KDM4C: variants seen among roughly 807,000 people sequenced by gnomAD.
The protein encoded by KDM4C is lysine-specific demethylase 4C.
Under a neutral mutation model 129.3 loss-of-function variants are expected in KDM4C, and 81 were observed. The observed-to-expected ratio is 0.63, with a 90% CI of 0.52 to 0.75. The LOEUF (loss-of-function observed/expected upper bound fraction) is 0.75. Ranked by LOEUF, KDM4C falls within the 30% of genes least tolerant of loss-of-function variation. The pLI is 0.00. For synonymous variants in KDM4C, 573 were observed against 456.1 expected (o/e 1.26, Z -3.26); for missense variants, 1,457 against 1,304.0 (o/e 1.12, Z -1.81).
upstream of KDM4C, among the ~76,000 whole-genome samples, chr9:6,754,072 C>T (rs1464669060): frequency 6.6e-6 from 1 of 151,064 alleles, no homozygotes; most frequent in Non-Finnish European, 1.5e-5. Flanking sequence ...GACAGGGTTT[C>T]ACCGTGCTAG....
intron 17 of KDM4C, among the ~76,000 whole-genome samples, chr9:7,070,075 A>C (rs1832988663): frequency 6.6e-6 from 1 of 152,254 alleles, no homozygotes; most frequent in Non-Finnish European, 1.5e-5. Context: ...AACAACAAAC[A>C]GACTGACAAA....
At chr9:7,034,428 C>A (rs1587097220) in intron 15 of KDM4C, among the ~76,000 whole-genome samples, 1 of 152,234 alleles carries the variant, frequency 6.6e-6, no homozygotes, top group South Asian at 2.1e-4. Context: ...CTTGTTTCAG[C>A]ATCCACATAT....
At position 7,049,097 on chromosome 9, in the gene KDM4C, C is replaced by T. The variant is rs748067878; in HGVS notation, c.2321C>T (p.Ala774Val). 2.3e-5 allele frequency: 37 copies of T among 1,609,698 alleles called. No individual in the cohort carries two copies. Among genetic ancestry groups the T allele is most frequent in the Non-Finnish European group, 3.1e-5 (37 of 1,176,614 alleles). The change falls in exon 17 of 22, where the codon GCC (alanine) becomes GTC (valine). Residue 774 changes from alanine to valine, a missense_variant. By Grantham distance (64) the Ala-to-Val change is moderately conservative. Coordinates refer to ENST00000381309, the MANE Select transcript of KDM4C (RefSeq NM_015061.6). ...ALKQTKNNKW[A>V]HVMCAVAVPE... Reference sequence around the variant, plus strand: ...TAATGTCTCCTTTCCTGTAGGTGGGCCCATGTCATGTGCGCCGTTGCGGTC... The same window carrying T: ...TAATGTCTCCTTTCCTGTAGGTGGGTCCATGTCATGTGCGCCGTTGCGGTC...
intron 11 of KDM4C, among the ~76,000 whole-genome samples, chr9:6,989,160 G>C (rs2760653): frequency 0.82 from 124,593 of 151,786 alleles, 51,946 homozygotes; most frequent in Non-Finnish European, 0.88. Context: ...AGCTGTCATC[G>C]TATATTGCAT....
intron 8 of KDM4C, among the ~76,000 whole-genome samples, chr9:6,959,640 T>G (rs1466403088): frequency 6.6e-6 from 1 of 152,172 alleles, no homozygotes; most frequent in Non-Finnish European, 1.5e-5. Context: ...GTTTATATTA[T>G]AGTTAATAAG....
intron 3 of KDM4C, among the ~76,000 whole-genome samples, chr9:6,811,726 C>G (rs191954275): frequency 1.7e-3 from 262 of 152,268 alleles, no homozygotes; most frequent in South Asian, 4.6e-3. Context: ...AGAAGAATAA[C>G]TGAGTTCCAG....
chr9:7,025,220 T>C (rs1825607989), intron 15 of KDM4C, among the ~76,000 whole-genome samples: 1 of 152,224 alleles, frequency 6.6e-6, no homozygotes, highest in Non-Finnish European at 1.5e-5. Context: ...ATATCTTTTT[T>C]TCATCTGCTT....
intron 5 of KDM4C, among the ~76,000 whole-genome samples, chr9:6,860,434 G>A (rs1232716783): frequency 6.6e-6 from 1 of 152,126 alleles, no homozygotes; most frequent in Non-Finnish European, 1.5e-5. Flanking sequence ...AAAGTACATT[G>A]ACAGAAGCTA....
At chr9:6,860,197 TG>T (rs141473130) in intron 5 of KDM4C, among the ~76,000 whole-genome samples, 3 of 152,084 alleles carry the variant, frequency 2.0e-5, no homozygotes, top group Admixed American at 1.3e-4. Context: ...GTGATGGGGA[TG>T]GGGGGGCGTT....
At chr9:7,019,767 A>ATT (rs1563993450) in intron 15 of KDM4C, among the ~76,000 whole-genome samples, 16 of 122,850 alleles carry the variant, frequency 1.3e-4, no homozygotes, top group Admixed American at 1.3e-3. Flanking sequence ...ATAAAAATAT[A>ATT]ATATTTTTAT....
At chr9:7,081,409 T>C (rs767663292) in intron 17 of KDM4C, among the ~76,000 whole-genome samples, 6 of 152,176 alleles carry the variant, frequency 3.9e-5, no homozygotes, top group Non-Finnish European at 8.8e-5. Context: ...TAAATAACTT[T>C]AGGGAAGTAT....
intron 17 of KDM4C, among the ~76,000 whole-genome samples, chr9:7,079,718 T>C (rs1202760953): frequency 3.9e-5 from 6 of 152,218 alleles, no homozygotes. Context: ...TTCTATGTGT[T>C]TTGTAATACT....
In KDM4C at chr9:7,046,773, A is replaced by T; in HGVS notation, c.2260-89A>T. The T allele has an allele frequency of 1.9e-5, 17 of 915,782 alleles. No homozygotes were observed. The South Asian group carries it at 2.0e-4, about 11-fold the overall frequency. The allele number at this position is 915,782 out of a possible 1,614,324, so 56.7% of individuals were successfully genotyped here. A position where few individuals can be genotyped will look rare whatever the true frequency, so the allele number is the denominator to read the frequency against. ...TGATGGTTTTAATTTTAGAATGAAAAATCAGGATCTCTGAGAATATTTAGA... is the reference window on the plus strand; with the variant it reads ...TGATGGTTTTAATTTTAGAATGAAATATCAGGATCTCTGAGAATATTTAGA... On this transcript the variant is annotated intron_variant, in intron 15 of 21. Transcript: ENST00000381309.
At chr9:6,935,936 G>A (rs954560423) in intron 8 of KDM4C, among the ~76,000 whole-genome samples, 8 of 152,108 alleles carry the variant, frequency 5.3e-5, no homozygotes, top group African/African-American at 1.9e-4. Context: ...ATAATAAACA[G>A]TAAGAGTTTT....
intron 15 of KDM4C, among the ~76,000 whole-genome samples, chr9:7,024,912 A>G (rs985786323): frequency 3.9e-5 from 6 of 152,186 alleles, no homozygotes; most frequent in African/African-American, 7.2e-5. Flanking sequence ...TCGCCACACC[A>G]ACTTCCACAG....
chr9:6,732,252 C>G (rs1471306221), intron 1 of KDM4C, among the ~76,000 whole-genome samples: 4 of 151,142 alleles, frequency 2.6e-5, no homozygotes, highest in African/African-American at 9.7e-5. Flanking sequence ...GTAGTCCCAG[C>G]TACTCGGGAG....
At chr9:6,934,537 C>CT (rs200273386) in intron 8 of KDM4C, among the ~76,000 whole-genome samples, 37,376 of 148,874 alleles carry the variant, frequency 0.25, 5,132 homozygotes, top group South Asian at 0.39. Flanking sequence ...TATCCTCTCT[C>CT]TTTTTTTTTG....
intron 2 of KDM4C, among the ~76,000 whole-genome samples, chr9:6,800,105 C>T (rs1189309150): frequency 2.6e-5 from 4 of 152,092 alleles, no homozygotes; most frequent in African/African-American, 9.7e-5. Flanking sequence ...CAGTGACTCA[C>T]GCCTGTAATC....
chr9:7,170,575 T>G, intron 21 of KDM4C: 2 of 949,054 alleles, frequency 2.1e-6, no homozygotes, highest in Non-Finnish European at 2.5e-6. Context: ...TATTATTGTA[T>G]CATAAAATAT....
Sources: allele counts gnomAD v4.1 joint callset (sites outside exome capture counted in the v4.1 genomes callset), GRCh38; gene constraint gnomAD v4.1.1; transcripts MANE v1.5; gene names NCBI Gene and HGNC (gene_info 2026-07-23, HGNC 2026-07-21).